Variants in CFAP299 observed in about 807,000 individuals in gnomAD.
CFAP299 encodes cilia and flagella associated protein 299.
In CFAP299, 21 loss-of-function variants were observed where a neutral mutation model predicts 27.0. The observed-to-expected ratio is 0.78, with a 90% confidence interval of 0.55 to 1.12. CFAP299 has a LOEUF of 1.12. CFAP299 is among the 50% of genes most tolerant of loss of function. The pLI is 0.00. For synonymous variants in CFAP299, 104 were observed against 98.1 expected, an observed-to-expected ratio of 1.06 and a Z score of -0.36; for missense variants, 310 against 276.6, an observed-to-expected ratio of 1.12 and a Z score of -0.86.
chr4:80,683,505 T>A (rs1443734533), intron 3 of CFAP299, among the ~76,000 whole-genome samples: 1 of 152,220 alleles, frequency 6.6e-6, no homozygotes. Flanking sequence ...GGAAAATATC[T>A]ATCTTCTTTC....
chr4:80,516,379 G>A (rs1260441234), intron 2 of CFAP299, among the ~76,000 whole-genome samples: 1 of 152,054 alleles, frequency 6.6e-6, no homozygotes, highest in East Asian at 1.9e-4. Context: ...AAGAAAATAT[G>A]TTTAATTTGC....
chr4:80,574,266 T>C (rs1430085557), intron 2 of CFAP299, among the ~76,000 whole-genome samples: 2 of 152,286 alleles, frequency 1.3e-5, no homozygotes, highest in East Asian at 3.9e-4. Context: ...TCACTTTTGA[T>C]ATATGGAAAT....
intron 2 of CFAP299, among the ~76,000 whole-genome samples, chr4:80,569,488 T>C (rs531941709): frequency 3.1e-4 from 47 of 152,188 alleles, no homozygotes; most frequent in South Asian, 6.2e-4. Flanking sequence ...AAATTTTAAC[T>C]TAGTGTGAGG....
intron 2 of CFAP299, among the ~76,000 whole-genome samples, chr4:80,415,679 C>T (rs1009139544): frequency 2.6e-5 from 4 of 152,010 alleles, no homozygotes; most frequent in African/African-American, 9.7e-5. Context: ...GATATAAATT[C>T]AAACCTCAGA....
intron 2 of CFAP299, among the ~76,000 whole-genome samples, chr4:80,553,297 A>G (rs994730585): frequency 2.0e-5 from 3 of 152,178 alleles, no homozygotes; most frequent in Non-Finnish European, 4.4e-5. Flanking sequence ...CTCCAGCTCC[A>G]TCCATGTTCC....
intron 3 of CFAP299, among the ~76,000 whole-genome samples, chr4:80,659,740 C>T (rs1320569012): frequency 6.6e-6 from 1 of 151,968 alleles, no homozygotes; most frequent in Non-Finnish European, 1.5e-5. Flanking sequence ...AATCTATACA[C>T]TCTTTTGTGT....
chr4:80,782,315 T>C lies in CFAP299; in HGVS notation c.334-87678T>C, dbSNP rs552637762. On this transcript the variant is annotated intron_variant, in intron 3 of 5. Coordinates refer to ENST00000358105, the MANE Select transcript of CFAP299 (RefSeq NM_152770.3). ...AGCAAAGCCCATGGATGGAAAGAGA[T>C]AGGATACTGTTTTAGCTCCTGAATT... Among the ~76,000 whole-genome samples, 185 of 151,936 alleles carry C rather than the reference T, an allele frequency of 1.2e-3. 1 individual carries two copies. Among genetic ancestry groups the C allele is most frequent in the African/African-American group, 4.1e-3 (170 of 41,474 alleles).
At chr4:80,603,581 C>A (rs2109904955) in intron 3 of CFAP299, among the ~76,000 whole-genome samples, 1 of 152,202 alleles carries the variant, frequency 6.6e-6, no homozygotes, top group East Asian at 1.9e-4. Context: ...ATCCTTTAGC[C>A]ACTTATAAAA....
intron 3 of CFAP299, among the ~76,000 whole-genome samples, chr4:80,616,415 A>G (rs1274909163): frequency 6.6e-6 from 1 of 151,932 alleles, no homozygotes; most frequent in African/African-American, 2.4e-5. Flanking sequence ...ACATATAAGT[A>G]TATATTATGT....
At chr4:80,788,797 A>G (rs7675185) in intron 3 of CFAP299, among the ~76,000 whole-genome samples, 1 of 152,034 alleles carries the variant, frequency 6.6e-6, no homozygotes, top group Non-Finnish European at 1.5e-5. Flanking sequence ...AAGAAGACAC[A>G]TAATCGGCCT....
At chr4:80,660,812 C>T (rs1053351722) in intron 3 of CFAP299, among the ~76,000 whole-genome samples, 1 of 152,090 alleles carries the variant, frequency 6.6e-6, no homozygotes, top group African/African-American at 2.4e-5. Context: ...TTGTAGCAGC[C>T]ATCCACAGTT....
chr4:80,534,615 T>C (rs192370003), intron 2 of CFAP299, among the ~76,000 whole-genome samples: 7 of 152,178 alleles, frequency 4.6e-5, no homozygotes, highest in African/African-American at 1.7e-4. Flanking sequence ...AAATAAGATT[T>C]TGAATTTTCT....
At chr4:80,385,006 A>C (rs536476072) in intron 2 of CFAP299, among the ~76,000 whole-genome samples, 7 of 152,320 alleles carry the variant, frequency 4.6e-5, no homozygotes, top group South Asian at 2.1e-4. Flanking sequence ...AGGGTATAAA[A>C]AGTGATGTTT....
At chr4:80,529,201 A>T (rs192349101) in intron 2 of CFAP299, among the ~76,000 whole-genome samples, 248 of 152,240 alleles carry the variant, frequency 1.6e-3, no homozygotes, top group Admixed American at 2.9e-3. Context: ...CTCTGCCAGC[A>T]TCATGTTCTC....
intron 3 of CFAP299, among the ~76,000 whole-genome samples, chr4:80,631,397 ATAAAG>A (rs764552259): frequency 2.7e-4 from 41 of 152,262 alleles, no homozygotes; most frequent in South Asian, 4.1e-4. Context: ...AGTGCAAATT[ATAAAG>A]TAAAGAGTAA....
chr4:80,362,955 G>T (rs1033878232), intron 2 of CFAP299, 71 bp downstream of exon 2: 6 of 1,484,058 alleles, frequency 4.0e-6, no homozygotes, highest in African/African-American at 2.8e-5. Flanking sequence ...AATTTCGTTT[G>T]CATTGTTTAA....
chr4:80,673,427 C>T (rs13132684), intron 3 of CFAP299, among the ~76,000 whole-genome samples: 13,530 of 151,996 alleles, frequency 0.089, 671 homozygotes, highest in Middle Eastern at 0.2. Flanking sequence ...GCTTTACTTC[C>T]GACTATGTGG....
chr4:80,827,156 A>G (rs1219727846), intron 3 of CFAP299, among the ~76,000 whole-genome samples: 1 of 151,904 alleles, frequency 6.6e-6, no homozygotes, highest in East Asian at 1.9e-4. Flanking sequence ...ATATAAATCT[A>G]TCTGAAACTT....
intron 4 of CFAP299, among the ~76,000 whole-genome samples, chr4:80,907,160 G>C (rs1735225224): frequency 6.6e-6 from 1 of 152,158 alleles, no homozygotes; most frequent in Non-Finnish European, 1.5e-5. Context: ...TTAGCTCATT[G>C]CTAAAGCATA....
Sources: allele counts gnomAD v4.1 joint callset (sites outside exome capture counted in the v4.1 genomes callset), GRCh38; gene constraint gnomAD v4.1.1; transcripts MANE v1.5; gene names NCBI Gene and HGNC (gene_info 2026-07-23, HGNC 2026-07-21).